The following PDE4DIP variants were observed in gnomAD, a reference collection of about 807,000 sequenced individuals.
The protein encoded by PDE4DIP is phosphodiesterase 4D interacting protein, also known as myomegalin.
Under a neutral mutation model 221.4 loss-of-function variants are expected in PDE4DIP, and 59 were observed. That is an observed-to-expected ratio of 0.27 (90% CI 0.22 to 0.33). The LOEUF (loss-of-function observed/expected upper bound fraction) is 0.33. Among genes scored for constraint, PDE4DIP ranks in the 10% least tolerant of loss-of-function variants. The pLI is 1.00. For synonymous variants in PDE4DIP, 404 were observed against 815.9 expected (o/e 0.50, Z 8.60); for missense variants, 1,036 against 2,154.2 (o/e 0.48, Z 10.28).
chr1:148,865,109 G>C (rs1686023893), intron 2 of PDE4DIP, among the ~76,000 whole-genome samples: 1 of 140,782 alleles, frequency 7.1e-6, no homozygotes, highest in Non-Finnish European at 1.5e-5. Context: ...TTATTTTTGA[G>C]ACAGAGTCTT....
At chr1:148,981,575 A>G in intron 21 of PDE4DIP, 178 bp downstream of exon 24, 5 of 662,758 alleles carry the variant, frequency 7.5e-6, no homozygotes, top group Admixed American at 7.5e-5. Flanking sequence ...AGCATCAACT[A>G]CAAAGTGAAA....
chr1:148,946,583 G>A (rs1177532775), intron 5 of PDE4DIP, among the ~76,000 whole-genome samples: 1 of 141,162 alleles, frequency 7.1e-6, no homozygotes, highest in Non-Finnish European at 1.5e-5. Context: ...CCTGTTGCCT[G>A]GGTAATCTTC....
chr1:148,970,419 A>G (rs1209535934), intron 14 of PDE4DIP, among the ~76,000 whole-genome samples: 1 of 152,170 alleles, frequency 6.6e-6, no homozygotes, highest in African/African-American at 2.4e-5. Flanking sequence ...TCAGAAAAAA[A>G]ATTATGCACT....
At chr1:148,935,059 C>A (rs2048926344) in intron 4 of PDE4DIP, among the ~76,000 whole-genome samples, 1 of 151,970 alleles carries the variant, frequency 6.6e-6, no homozygotes, top group Non-Finnish European at 1.5e-5. Flanking sequence ...ACTAAAAATA[C>A]AAAAATTGGT....
chr1:148,976,806 G>T (rs1323562109), intron 17 of PDE4DIP, among the ~76,000 whole-genome samples: 2 of 151,708 alleles, frequency 1.3e-5, no homozygotes, highest in Non-Finnish European at 2.9e-5. Context: ...AAAGGAGGCA[G>T]CCCTGAGAAA....
intron 36 of PDE4DIP, 158 bp from the exon 40 acceptor site, chr1:149,020,871 T>C: frequency 1.7e-6 from 1 of 580,960 alleles, no homozygotes. Flanking sequence ...ATAAAAGTGA[T>C]AGTCTTCATG....
At chr1:149,023,496 AC>A (rs2073789585) in intron 37 of PDE4DIP, among the ~76,000 whole-genome samples, 1 of 147,668 alleles carries the variant, frequency 6.8e-6, no homozygotes, top group South Asian at 2.2e-4. Context: ...CATCCCCAGT[AC>A]AAAGAAATAG....
At chr1:148,986,791 G>C (rs2061985544) in intron 21 of PDE4DIP, among the ~76,000 whole-genome samples, 1 of 152,202 alleles carries the variant, frequency 6.6e-6, no homozygotes, top group Admixed American at 6.5e-5. Context: ...GGAGCCAACT[G>C]TGGTGGGTAG....
intron 4 of PDE4DIP, among the ~76,000 whole-genome samples, chr1:148,933,596 G>A (rs1169148970): frequency 3.2e-4 from 49 of 152,204 alleles, no homozygotes; most frequent in African/African-American, 1.1e-3. Context: ...TAGCCTCTTA[G>A]GTGCATAAGA....
chr1:148,954,531 A>G (rs2054646052), intron 5 of PDE4DIP, among the ~76,000 whole-genome samples: 1 of 149,884 alleles, frequency 6.7e-6, no homozygotes, highest in African/African-American at 2.5e-5. Flanking sequence ...GAATTCAAGT[A>G]TTCAAGTACA....
intron 2 of PDE4DIP, chr1:148,929,559 T>C (rs55861586): frequency 1.7e-4 from 58 of 351,320 alleles, no homozygotes; most frequent in Middle Eastern, 9.2e-4. Context: ...TTTCCACTTT[T>C]AGTAGAGACA....
At chr1:149,030,068 G>A in intron 42 of PDE4DIP, 143 bp downstream of exon 45, 1 of 1,099,740 alleles carries the variant, frequency 9.1e-7, no homozygotes, top group Non-Finnish European at 1.3e-6. Context: ...CCTGTACCAG[G>A]AGCAATTGTG....
intron 17 of PDE4DIP, among the ~76,000 whole-genome samples, 154 bp from the exon 21 acceptor site, chr1:148,977,783 A>G (rs1327813216): frequency 1.3e-5 from 2 of 152,238 alleles, no homozygotes; most frequent in Non-Finnish European, 2.9e-5. Flanking sequence ...TTCCTTTGTT[A>G]CTATACTGCA....
At chr1:149,009,970 T>A (rs1188355007) in intron 30 of PDE4DIP, among the ~76,000 whole-genome samples, 179 bp downstream of exon 33, 1 of 152,166 alleles carries the variant, frequency 6.6e-6, no homozygotes, top group Non-Finnish European at 1.5e-5. Flanking sequence ...ACAAGTTACC[T>A]CTGTCACCGT....
chr1:148,902,134 C>T (rs1410450263), intron 1 of PDE4DIP, among the ~76,000 whole-genome samples: 7 of 40,936 alleles, frequency 1.7e-4, no homozygotes, highest in Non-Finnish European at 2.9e-4. Flanking sequence ...TCTGGAAAGG[C>T]GGGACAACTT....
At chr1:148,972,205 C>G (rs782658831) in exon 15 of PDE4DIP, 1 of 1,583,162 alleles carries the variant, frequency 6.3e-7, no homozygotes, top group Non-Finnish European at 8.7e-7. Flanking sequence ...TTGGTGCAAG[C>G]CTTAATGGAA....
At chr1:148,861,728 G>A (rs1228852860) in intron 1 of PDE4DIP, among the ~76,000 whole-genome samples, 1 of 92,646 alleles carries the variant, frequency 1.1e-5, no homozygotes, top group Admixed American at 9.8e-5. Flanking sequence ...TAAAGAATAA[G>A]CTACCTATTG....
At chr1:148,949,358 A>G (rs587733631) in intron 5 of PDE4DIP, among the ~76,000 whole-genome samples, 1 of 150,250 alleles carries the variant, frequency 6.7e-6, no homozygotes, top group African/African-American at 2.4e-5. Context: ...TTCTTATATT[A>G]TATATTTATC....
intron 14 of PDE4DIP, among the ~76,000 whole-genome samples, chr1:148,971,706 A>G: frequency 6.6e-6 from 1 of 152,212 alleles, no homozygotes; most frequent in East Asian, 1.9e-4. Flanking sequence ...TTGGCCAGCA[A>G]GATTGCTGTT....
Sources: gnomAD v4.1 joint callset for allele counts (sites outside exome capture counted in the v4.1 genomes callset) on GRCh38, gnomAD v4.1.1 for gene constraint, MANE v1.5 for transcripts, NCBI Gene and HGNC (gene_info 2026-07-23, HGNC 2026-07-21) for gene names.